XRCC4: variants seen among roughly 807,000 people sequenced by gnomAD.
The protein encoded by XRCC4 is X-ray repair cross complementing 4.
A neutral mutation model predicts 39.1 loss-of-function variants in XRCC4; 28 were observed. That is an observed-to-expected ratio of 0.72 (90% CI 0.53 to 0.98). The LOEUF (loss-of-function observed/expected upper bound fraction) is 0.98, where lower values mean the gene tolerates loss of function less well. Ranked by LOEUF, XRCC4 falls within the 50% of genes least tolerant of loss-of-function variation. The probability of loss-of-function intolerance (pLI) is 0.00; values close to 1 mark genes in which losing one functional copy is unlikely to be tolerated. For synonymous variants in XRCC4, 123 were observed against 126.4 expected (o/e 0.97, Z 0.18); for missense variants, 350 against 376.4 (o/e 0.93, Z 0.58).
At chr5:83,144,598 A>G (rs1219797012) in intron 3 of XRCC4, among the ~76,000 whole-genome samples, 1 of 110,134 alleles carries the variant, frequency 9.1e-6, no homozygotes, top group Non-Finnish European at 1.7e-5. Context: ...TCTTGAATCT[A>G]TGAATGTATG....
chr5:83,323,870 A>G (rs1018772019), intron 7 of XRCC4, among the ~76,000 whole-genome samples: 6 of 152,142 alleles, frequency 3.9e-5, no homozygotes, highest in African/African-American at 1.4e-4. Context: ...TTACTGTGGT[A>G]TAGATCAGGT....
intron 6 of XRCC4, among the ~76,000 whole-genome samples, chr5:83,221,091 A>G (rs1752067100): frequency 6.6e-6 from 1 of 152,116 alleles, no homozygotes; most frequent in African/African-American, 2.4e-5. Flanking sequence ...GAGGAAGATA[A>G]TGATACTGAT....
intron 3 of XRCC4, among the ~76,000 whole-genome samples, chr5:83,139,179 A>T (rs1748044005): frequency 6.6e-6 from 1 of 152,076 alleles, no homozygotes; most frequent in African/African-American, 2.4e-5. Flanking sequence ...AGTTTGTGGA[A>T]GTTCGTTAGT....
At chr5:83,352,272 G>A (rs765593302) in intron 7 of XRCC4, among the ~76,000 whole-genome samples, 1 of 152,108 alleles carries the variant, frequency 6.6e-6, no homozygotes, top group Non-Finnish European at 1.5e-5. Flanking sequence ...GTATTACTGG[G>A]TTAGCTCAAC....
At chr5:83,306,960 A>G (rs1053121235) in intron 7 of XRCC4, among the ~76,000 whole-genome samples, 1 of 152,212 alleles carries the variant, frequency 6.6e-6, no homozygotes, top group Non-Finnish European at 1.5e-5. Flanking sequence ...AACTGTGGTC[A>G]TACCTTATTT....
rs986691642 is a variant in XRCC4, at chr5:83,130,548, C to G, written c.315+19345C>G. On this transcript the variant is annotated intron_variant, in intron 3 of 7. Coordinates refer to ENST00000396027, the MANE Select transcript of XRCC4 (RefSeq NM_003401.5). ...GGAGTAGTTTCAGAAGGAATGGTAC[C>G]AGCTCCTCTTTGTACCTCTGGTAGA... Among the ~76,000 whole-genome samples, 109 of 152,184 alleles carry G rather than the reference C, an allele frequency of 7.2e-4. 1 individual carries two copies. The highest frequency in any genetic ancestry group is 2.5e-3 in the African/African-American group (102 of 41,522).
rs185892735 is a variant in XRCC4 at position 83,133,137 on chromosome 5, A to T, written c.315+21934A>T. 8.7e-4 allele frequency among the ~76,000 whole-genome samples: 132 copies of T among 152,024 alleles called. 1 individual carries two copies. The Middle Eastern group carries it at 0.01, about 12-fold the overall frequency. ...GGACCCTCAGCTGTAGGTCTGTTGG[A>T]GTTTGCTGGAGGTCCACTCCGGACT... On this transcript the variant is annotated intron_variant, in intron 3 of 7. Transcript: ENST00000396027.
chr5:83,098,903 A>G (rs893021333), intron 1 of XRCC4, among the ~76,000 whole-genome samples: 8 of 152,210 alleles, frequency 5.3e-5, no homozygotes, highest in African/African-American at 1.9e-4. Context: ...TGATTGTCTC[A>G]GAAGTGAATA....
chr5:83,269,690 A>G (rs1264755818), intron 7 of XRCC4, among the ~76,000 whole-genome samples: 1 of 152,178 alleles, frequency 6.6e-6, no homozygotes, highest in East Asian at 1.9e-4. Flanking sequence ...ATTACCAAGT[A>G]AATGAAGTAA....
intron 7 of XRCC4, among the ~76,000 whole-genome samples, chr5:83,338,692 C>T (rs921628861): frequency 6.6e-6 from 1 of 152,136 alleles, no homozygotes. Context: ...TATAGGCACT[C>T]TGTTCCTCAA....
intron 3 of XRCC4, among the ~76,000 whole-genome samples, chr5:83,182,065 C>G (rs1378690331): frequency 2.0e-5 from 3 of 152,138 alleles, no homozygotes; most frequent in Non-Finnish European, 2.9e-5. Context: ...AAGAAAACCT[C>G]TGGTTTTCTC....
rs144897563 is a variant in XRCC4 at position 83,326,974 on chromosome 5, A to G, written c.894-26157A>G. Among the ~76,000 whole-genome samples, 353 of 152,200 alleles carry G rather than the reference A, an allele frequency of 2.3e-3. 2 individuals are homozygous for G. The highest frequency in any genetic ancestry group is 8.1e-3 in the African/African-American group (336 of 41,558). On this transcript the variant is annotated intron_variant, in intron 7 of 7. Transcript: ENST00000396027. ...TGGCATACACCTGCACGTTAATCAG[A>G]GATAAAAGCTCATCATGAATATTGA...
chr5:83,148,733 T>C (rs1748572002), intron 3 of XRCC4, among the ~76,000 whole-genome samples: 1 of 152,106 alleles, frequency 6.6e-6, no homozygotes, highest in Non-Finnish European at 1.5e-5. Context: ...GGTGCTTCCC[T>C]TGAGTTTGTG....
At chr5:83,161,733 G>A (rs1202608797) in intron 3 of XRCC4, among the ~76,000 whole-genome samples, 1 of 152,172 alleles carries the variant, frequency 6.6e-6, no homozygotes, top group Non-Finnish European at 1.5e-5. Context: ...TTTATTAAAA[G>A]CATAAGGAAC....
intron 7 of XRCC4, among the ~76,000 whole-genome samples, chr5:83,346,806 A>G (rs1756930561): frequency 1.3e-5 from 2 of 152,338 alleles, no homozygotes; most frequent in East Asian, 3.9e-4. Flanking sequence ...ATGGAAAAAA[A>G]GTAAGTCCTT....
intron 3 of XRCC4, among the ~76,000 whole-genome samples, chr5:83,130,067 C>T (rs1472273476): frequency 4.6e-5 from 7 of 152,080 alleles, no homozygotes; most frequent in Non-Finnish European, 1.0e-4. Flanking sequence ...GGAATGCTTC[C>T]AGTTTTTGCC....
intron 6 of XRCC4, among the ~76,000 whole-genome samples, chr5:83,218,286 A>C (rs770183524): frequency 7.8e-5 from 11 of 141,478 alleles, no homozygotes; most frequent in Non-Finnish European, 1.5e-4. Context: ...AAGATGGTAC[A>C]TACTCTGCAA....
Position 83,258,602 on chromosome 5 carries a change from G to A in XRCC4, c.818G>A (p.Arg273Lys). ...VTDIAPSRKR[R>K]QRMQRNLGTE... The stretch of plus-strand genomic sequence containing the variant: ...GATATTGCACCAAGTAGAAAAAGGA[G>A]ACAGCGAATGCAAAGAAATCTTGGG... The change falls in exon 7 of 8, where the codon AGA becomes AAA. Residue 273 changes from arginine to lysine, a missense_variant. By Grantham distance (26) the Arg-to-Lys change is conservative. Transcript: ENST00000396027. 6.2e-7 allele frequency: 1 copy of A among 1,611,266 alleles called. No homozygotes were observed. The highest frequency in any genetic ancestry group is 1.3e-5 in the African/African-American group (1 of 74,862).
chr5:83,216,915 A>G (rs1751880804), intron 6 of XRCC4, among the ~76,000 whole-genome samples: 1 of 152,120 alleles, frequency 6.6e-6, no homozygotes, highest in Non-Finnish European at 1.5e-5. Context: ...TAAATTGCTA[A>G]AATCATTGAA....
Sources: allele counts gnomAD v4.1 joint callset (sites outside exome capture counted in the v4.1 genomes callset), GRCh38; gene constraint gnomAD v4.1.1; transcripts MANE v1.5; gene names NCBI Gene and HGNC (gene_info 2026-07-23, HGNC 2026-07-21).